Variants in RAD51B observed in about 807,000 individuals in gnomAD.
The protein encoded by RAD51B is RAD51 paralog B.
In RAD51B, 38 loss-of-function variants were observed where a neutral mutation model predicts 42.2. The ratio of observed to expected loss-of-function variants is 0.90; its 90% CI spans 0.70 to 1.18. RAD51B has a LOEUF of 1.18. Among genes scored for constraint, RAD51B ranks in the 50% most tolerant of loss-of-function variants. The pLI, the probability that RAD51B is intolerant of heterozygous loss-of-function variation, is 0.00. For synonymous variants in RAD51B, 154 were observed against 145.2 expected (o/e 1.06, Z -0.43); for missense variants, 373 against 400.7 (o/e 0.93, Z 0.59).
At chr14:68,297,576 T>A (rs2081638879) in intron 8 of RAD51B, among the ~76,000 whole-genome samples, 1 of 152,186 alleles carries the variant, frequency 6.6e-6, no homozygotes, top group Non-Finnish European at 1.5e-5. Flanking sequence ...TAGGGCCATG[T>A]ACCAACGGGT....
intron 9 of RAD51B, among the ~76,000 whole-genome samples, chr14:68,430,694 A>C (rs1299966733): frequency 6.6e-6 from 1 of 152,210 alleles, no homozygotes; most frequent in African/African-American, 2.4e-5. Context: ...TATCATCTGC[A>C]AACAGGGACA....
At chr14:68,610,843 ATGTGTGTGTGTGTGTG>A (rs60173412) in intron 10 of RAD51B, among the ~76,000 whole-genome samples, 298 of 144,994 alleles carry the variant, frequency 2.1e-3, no homozygotes, top group Non-Finnish European at 2.9e-3. Flanking sequence ...CTGAATGTAT[ATGTGTGTGTGTGTGTG>A]TGTGTGTGTG....
chr14:67,943,098 A>C (rs1251355506), intron 7 of RAD51B, among the ~76,000 whole-genome samples: 1 of 151,852 alleles, frequency 6.6e-6, no homozygotes, highest in Non-Finnish European at 1.5e-5. Context: ...TATTAAATGA[A>C]ATATAAAGTA....
chr14:67,940,326 CT>C (rs2045153461), intron 7 of RAD51B, among the ~76,000 whole-genome samples: 1 of 151,474 alleles, frequency 6.6e-6, no homozygotes, highest in African/African-American at 2.4e-5. Flanking sequence ...CACCACCTGC[CT>C]TGGCCTCCCA....
intron 7 of RAD51B, among the ~76,000 whole-genome samples, chr14:68,079,028 G>A (rs1595367476): frequency 6.6e-6 from 1 of 151,942 alleles, no homozygotes. Context: ...TTAAAACCCT[G>A]GATTTGTTTT....
At chr14:67,994,266 A>AT (rs35823534) in intron 7 of RAD51B, among the ~76,000 whole-genome samples, 1,563 of 152,042 alleles carry the variant, frequency 0.01, 26 homozygotes, top group African/African-American at 0.036. Context: ...TTAGATAAAT[A>AT]TTTTTTAGCT....
intron 10 of RAD51B, among the ~76,000 whole-genome samples, chr14:68,648,138 T>C (rs1157694785): frequency 4.2e-5 from 5 of 119,736 alleles, no homozygotes; most frequent in Non-Finnish European, 8.9e-5. Context: ...CACACGTATA[T>C]ATATATATAC....
chr14:67,857,275 G>A (rs950025498), intron 4 of RAD51B, among the ~76,000 whole-genome samples: 1 of 152,086 alleles, frequency 6.6e-6, no homozygotes, highest in African/African-American at 2.4e-5. Flanking sequence ...AAAAAAATTA[G>A]AAATTGTTTA....
chr14:68,076,500 C>T (rs1477648213), intron 7 of RAD51B, among the ~76,000 whole-genome samples: 11 of 152,102 alleles, frequency 7.2e-5, no homozygotes, highest in Non-Finnish European at 1.5e-5. Flanking sequence ...ATTTAAATTT[C>T]TGTAGAAGAT....
intron 7 of RAD51B, among the ~76,000 whole-genome samples, chr14:68,151,164 T>C (rs75766210): frequency 0.03 from 4,533 of 152,000 alleles, 194 homozygotes; most frequent in African/African-American, 0.093. Context: ...TTTTGAAAGA[T>C]ATCTTTGTTG....
intron 8 of RAD51B, among the ~76,000 whole-genome samples, chr14:68,381,100 C>T (rs36098448): frequency 0.02 from 3,075 of 152,180 alleles, 40 homozygotes; most frequent in Non-Finnish European, 0.03. Context: ...TTTCTTTGTC[C>T]TGTCAATTGT....
intron 9 of RAD51B, among the ~76,000 whole-genome samples, chr14:68,466,531 G>A (rs33932664): frequency 0.031 from 4,754 of 152,308 alleles, 99 homozygotes; most frequent in Non-Finnish European, 0.047. Context: ...CCCCGAGTGG[G>A]AGACACTGAT....
Position 68,561,210 on chromosome 14 carries a change from G to A in RAD51B, c.1037-33275G>A, listed in dbSNP as rs556322787. ...TTCGCATGGTGCCCGCTTCCACAAC[G>A]TCTGGTGATCAACGTATCCTAATTC... On this transcript the variant is annotated intron_variant, in intron 10 of 10. Transcript: ENST00000487270. 2.0e-4 allele frequency among the ~76,000 whole-genome samples: 31 copies of A among 152,268 alleles called. No homozygotes were observed. In the East Asian group the frequency reaches 4.6e-3, roughly 23 times the overall value.
At chr14:67,860,018 C>T (rs1177209495) in intron 4 of RAD51B, among the ~76,000 whole-genome samples, 1 of 152,136 alleles carries the variant, frequency 6.6e-6, no homozygotes, top group Non-Finnish European at 1.5e-5. Context: ...GACGAGGTTT[C>T]TCCATGTTGG....
At chr14:68,638,437 A>G (rs1892385045) in intron 10 of RAD51B, among the ~76,000 whole-genome samples, 1 of 152,206 alleles carries the variant, frequency 6.6e-6, no homozygotes, top group African/African-American at 2.4e-5. Flanking sequence ...AGGGAAAAAA[A>G]GAGAGAGGGA....
chr14:68,393,809 G>T (rs565273542), intron 8 of RAD51B, among the ~76,000 whole-genome samples: 1 of 152,220 alleles, frequency 6.6e-6, no homozygotes, highest in Non-Finnish European at 1.5e-5. Context: ...CTCACAGAGG[G>T]TGATGTTTTT....
chr14:67,882,329 C>A (rs911101955), intron 5 of RAD51B, among the ~76,000 whole-genome samples: 1 of 152,154 alleles, frequency 6.6e-6, no homozygotes, highest in Non-Finnish European at 1.5e-5. Context: ...TTGGTCACCT[C>A]CTCCTCTCAG....
chr14:68,165,777 T>C (rs2078735918), intron 7 of RAD51B, among the ~76,000 whole-genome samples: 1 of 152,204 alleles, frequency 6.6e-6, no homozygotes, highest in Admixed American at 6.5e-5. Context: ...CAACTCTCTT[T>C]ACTACAATAT....
In RAD51B at chr14:68,222,274, T is replaced by C. The variant is rs145218954; in HGVS notation, c.757-69610T>C. Among the ~76,000 whole-genome samples the C allele has an allele frequency of 5.4e-3, 822 of 152,282 alleles. 7 individuals carry two copies. Among genetic ancestry groups the C allele is most frequent in the African/African-American group, 0.019 (798 of 41,552 alleles). On this transcript the variant is annotated intron_variant, in intron 7 of 10. Coordinates refer to ENST00000471583, the MANE Select transcript of RAD51B (RefSeq NM_133510.4). Reference sequence around the variant, plus strand: ...GCAATTGCAAAAATATGGAACCAGCTAAAATGCCCATCAGTCAATGAGTAT... The same window carrying C: ...GCAATTGCAAAAATATGGAACCAGCCAAAATGCCCATCAGTCAATGAGTAT...
Sources: allele counts gnomAD v4.1 joint callset (sites outside exome capture counted in the v4.1 genomes callset), GRCh38; gene constraint gnomAD v4.1.1; transcripts MANE v1.5; gene names NCBI Gene and HGNC (gene_info 2026-07-23, HGNC 2026-07-21).